Variants in NFS1 observed in about 807,000 individuals in gnomAD.
NFS1 encodes NFS1 cysteine desulfurase.
NFS1 carries 26 observed loss-of-function variants against 57.3 expected under a neutral mutation model. That is an observed-to-expected ratio of 0.45 (90% CI 0.33 to 0.63). NFS1 has a LOEUF of 0.63. NFS1 is among the 20% of genes least tolerant of loss of function. The pLI is 0.02. For missense variants in NFS1, 505 were observed against 605.8 expected (o/e 0.83, Z 1.75); for synonymous variants, 209 against 216.3 (o/e 0.97, Z 0.30).
At chr20:35,691,472 G>C (rs2035038678) in intron 4 of NFS1, among the ~76,000 whole-genome samples, 1 of 151,400 alleles carries the variant, frequency 6.6e-6, no homozygotes, top group Admixed American at 6.6e-5. Flanking sequence ...CAGGTGCAGT[G>C]CCTCACGACT....
At chr20:35,678,031 T>G (rs1276324397) in intron 7 of NFS1, among the ~76,000 whole-genome samples, 2 of 151,942 alleles carry the variant, frequency 1.3e-5, no homozygotes, top group African/African-American at 4.8e-5. Flanking sequence ...CTGGCCAACA[T>G]AGTGAAACCC....
intron 5 of NFS1, 59 bp from the exon 6 acceptor site, chr20:35,682,040 A>T: frequency 1.1e-6 from 1 of 937,940 alleles, no homozygotes; most frequent in Non-Finnish European, 1.7e-6. Context: ...CCTAAATCAG[A>T]ATATAGGCAA....
intron 2 of NFS1, among the ~76,000 whole-genome samples, chr20:35,698,247 C>T (rs2035174392): frequency 6.6e-6 from 1 of 152,260 alleles, no homozygotes; most frequent in Middle Eastern, 3.2e-3. Flanking sequence ...AGAGCCCATG[C>T]TTTTAACTAA....
In NFS1 at chr20:35,669,392, T is replaced by G; in HGVS notation, c.*230A>C. The G allele has an allele frequency of 2.1e-6, 1 of 467,630 alleles. No homozygotes were observed. Among genetic ancestry groups the G allele is most frequent in the South Asian group, 3.3e-5 (1 of 30,410 alleles). 29.0% of individuals were successfully genotyped at this position (467,630 alleles called of 1,614,324 possible). On this transcript the variant is annotated 3_prime_UTR_variant, in exon 13 of 13. Transcript: ENST00000374092. ...TGTCTCTATGGCTTCGGGATGAAAA[T>G]GTCCACACACTTTAAGACCCGAGAA...
intron 5 of NFS1, among the ~76,000 whole-genome samples, chr20:35,685,726 C>T (rs891514579): frequency 1.2e-4 from 18 of 147,734 alleles, no homozygotes; most frequent in African/African-American, 3.0e-4. Flanking sequence ...GGTGTGGTAG[C>T]GCATGCCTAT....
At chr20:35,674,319 C>T in intron 10 of NFS1, 31 bp downstream of exon 10, 3 of 1,587,080 alleles carry the variant, frequency 1.9e-6, no homozygotes, top group Non-Finnish European at 1.7e-6. Flanking sequence ...AGTGGCCCTG[C>T]CGCAGGCCCT....
intron 10 of NFS1, 51 bp downstream of exon 10, chr20:35,674,299 G>T: frequency 7.0e-7 from 1 of 1,426,596 alleles, no homozygotes; most frequent in South Asian, 1.1e-5. Flanking sequence ...TAGCCTGTAT[G>T]ACTCTTCTAA....
intron 2 of NFS1, 97 bp downstream of exon 2, chr20:35,698,384 A>T (rs2035177590): frequency 6.2e-6 from 6 of 961,326 alleles, no homozygotes; most frequent in Non-Finnish European, 9.5e-6. Flanking sequence ...GCACACCTTC[A>T]CGGCTCTCAC....
chr20:35,687,008 T>C (rs2034955593), intron 5 of NFS1, among the ~76,000 whole-genome samples: 2 of 152,212 alleles, frequency 1.3e-5, no homozygotes, highest in Non-Finnish European at 1.5e-5. Flanking sequence ...CCTTCTGTTA[T>C]GCGTGGACAG....
At chr20:35,697,660 C>A in intron 3 of NFS1, 24 bp downstream of exon 3, 5 of 1,533,648 alleles carry the variant, frequency 3.3e-6, no homozygotes, top group Non-Finnish European at 3.6e-6. Context: ...GACCTTAGAA[C>A]CTCCTAGACT....
intron 3 of NFS1, among the ~76,000 whole-genome samples, chr20:35,696,934 C>G (rs937753651): frequency 6.6e-6 from 1 of 151,814 alleles, no homozygotes. Context: ...TGGAGAAACC[C>G]CGTCTCTACT....
intron 7 of NFS1, among the ~76,000 whole-genome samples, chr20:35,680,161 C>T (rs1341886999): frequency 2.0e-5 from 3 of 152,040 alleles, no homozygotes; most frequent in Admixed American, 6.6e-5. Flanking sequence ...AAAAATTAGC[C>T]GGGCGTAGTG....
intron 7 of NFS1, among the ~76,000 whole-genome samples, chr20:35,678,039 C>A (rs2034784166): frequency 6.6e-6 from 1 of 152,010 alleles, no homozygotes. Flanking sequence ...CATAGTGAAA[C>A]CCTGTCTCTA....
chr20:35,677,883 G>C (rs1309157728), intron 7 of NFS1, among the ~76,000 whole-genome samples: 1 of 152,042 alleles, frequency 6.6e-6, no homozygotes, highest in African/African-American at 2.4e-5. Flanking sequence ...GAGTAACATA[G>C]TGAAACCTCT....
At chr20:35,690,747 T>C (rs1183989104) in intron 4 of NFS1, among the ~76,000 whole-genome samples, 182 bp from the exon 5 acceptor site, 3 of 152,132 alleles carry the variant, frequency 2.0e-5, no homozygotes, top group Non-Finnish European at 4.4e-5. Context: ...GAAAACCCCA[T>C]GGGTTAAGGG....
rs533677852 is a variant in NFS1, at chr20:35,671,570, C to G, written c.1310+1185G>C. ...TGGGTGACAGAATGAGACACTTTCT[C>G]TAAAGATAATAATAATCATAATGAA... On this transcript the variant is annotated intron_variant, in intron 12 of 12. Transcript: ENST00000374092. 2.6e-5 allele frequency among the ~76,000 whole-genome samples: 4 copies of G among 151,538 alleles called. No individual in the cohort carries two copies. In the South Asian group the frequency reaches 8.4e-4, roughly 32 times the overall value.
chr20:35,682,994 C>T (rs1251847386), intron 5 of NFS1, among the ~76,000 whole-genome samples: 3 of 151,440 alleles, frequency 2.0e-5, no homozygotes, highest in South Asian at 2.1e-4. Flanking sequence ...AGGGGAATGG[C>T]GTGAACCTGG....
chr20:35,673,977 T>C (rs1381021491), intron 10 of NFS1: 2 of 445,762 alleles, frequency 4.5e-6, no homozygotes, highest in Middle Eastern at 6.5e-4. Context: ...CAGAGGACCA[T>C]GTGCTCACTT....
chr20:35,681,773 T>G lies in NFS1; in HGVS notation c.655+115A>C, dbSNP rs979331240. 2.0e-4 allele frequency: 120 copies of G among 601,972 alleles called. No individual in the cohort carries two copies. The African/African-American group carries it at 2.0e-3, about 10-fold the overall frequency. 37.3% of individuals were successfully genotyped at this position (601,972 alleles called of 1,614,324 possible). ...CTTCCAATGTCCTTGAACAAAGTAC[T>G]TAGGCTTTCCCTTGATTTCCTAACT... On this transcript the variant is annotated intron_variant, in intron 6 of 12. Coordinates refer to ENST00000374092, the MANE Select transcript of NFS1 (RefSeq NM_021100.5).
Sources: gnomAD v4.1 joint callset for allele counts (sites outside exome capture counted in the v4.1 genomes callset) on GRCh38, gnomAD v4.1.1 for gene constraint, MANE v1.5 for transcripts, NCBI Gene and HGNC (gene_info 2026-07-23, HGNC 2026-07-21) for gene names.